Variants in NOL4 observed in about 807,000 individuals in gnomAD.
NOL4 encodes the protein cancer/testis antigen 125.
In NOL4, 17 loss-of-function variants were observed where a neutral mutation model predicts 75.9. That is an observed-to-expected ratio of 0.22 (90% CI 0.15 to 0.34). The LOEUF is 0.34. NOL4 is among the 10% of genes least tolerant of loss of function. NOL4 has a pLI of 1.00. For synonymous variants in NOL4, 292 were observed against 289.9 expected (o/e 1.01, Z -0.07); for missense variants, 614 against 793.5 (o/e 0.77, Z 2.72).
chr18:34,103,793 A>G (rs2079146335), intron 4 of NOL4, among the ~76,000 whole-genome samples: 1 of 152,012 alleles, frequency 6.6e-6, no homozygotes, highest in African/African-American at 2.4e-5. Flanking sequence ...GTGATGGTCT[A>G]CTAAGGAAAA....
intron 1 of NOL4, among the ~76,000 whole-genome samples, chr18:34,161,194 C>G (rs28878222): frequency 2.0e-5 from 3 of 152,018 alleles, no homozygotes; most frequent in African/African-American, 7.2e-5. Flanking sequence ...GTATATATAC[C>G]ATATTTTCTT....
At chr18:33,960,026 T>G (rs1433894112) in intron 6 of NOL4, among the ~76,000 whole-genome samples, 10 of 152,048 alleles carry the variant, frequency 6.6e-5, no homozygotes, top group Non-Finnish European at 1.5e-4. Flanking sequence ...ATGTTAATCT[T>G]TAAACAAAAT....
intron 6 of NOL4, among the ~76,000 whole-genome samples, chr18:34,016,527 C>T (rs979330627): frequency 6.6e-6 from 1 of 152,020 alleles, no homozygotes; most frequent in African/African-American, 2.4e-5. Context: ...TGCTAAGCTC[C>T]TTGCAAATAC....
At position 34,104,169 on chromosome 18, in the gene NOL4, A is replaced by G; in HGVS notation, c.527-10T>C. On this transcript the variant is annotated splice_polypyrimidine_tract_variant and intron_variant, in intron 3 of 10. Transcript: ENST00000261592. ...GGAGGTTTTCCATTATCTGTAATAA[A>G]ACATTTTTAATGGGTAATGAAAGTA... 3 of 1,521,716 alleles carry G rather than the reference A, an allele frequency of 2.0e-6. No homozygotes were observed. The highest frequency in any genetic ancestry group is 2.7e-6 in the Non-Finnish European group (3 of 1,097,028). The allele number at this position is 1,521,716 out of a possible 1,614,324, so 94.3% of individuals were successfully genotyped here. A position where few individuals can be genotyped will look rare whatever the true frequency, so the allele number is the denominator to read the frequency against.
At chr18:34,203,717 T>TCTCTCTCTCTCTCACA (rs1261546835) in intron 1 of NOL4, among the ~76,000 whole-genome samples, 6 of 72,302 alleles carry the variant, frequency 8.3e-5, no homozygotes, top group African/African-American at 3.0e-4. Context: ...TCTCTCTCTC[T>TCTCTCTCTCTCTCACA]CACACACACA....
intron 9 of NOL4, among the ~76,000 whole-genome samples, chr18:33,890,011 A>G (rs2065003878): frequency 6.6e-6 from 1 of 152,182 alleles, no homozygotes; most frequent in Non-Finnish European, 1.5e-5. Context: ...ACTCCTATTC[A>G]ACATAGTTTT....
chr18:33,884,960 A>T (rs2064548425), intron 9 of NOL4, among the ~76,000 whole-genome samples: 1 of 152,132 alleles, frequency 6.6e-6, no homozygotes, highest in Non-Finnish European at 1.5e-5. Flanking sequence ...AACTCTGACC[A>T]TTATACTCAG....
intron 5 of NOL4, among the ~76,000 whole-genome samples, chr18:34,035,032 C>T (rs1212424622): frequency 2.0e-5 from 3 of 151,892 alleles, no homozygotes; most frequent in African/African-American, 7.3e-5. Context: ...ACTTCAACAC[C>T]CTACTCTAAG....
intron 6 of NOL4, among the ~76,000 whole-genome samples, chr18:34,002,623 G>A (rs978237579): frequency 6.6e-6 from 1 of 151,924 alleles, no homozygotes; most frequent in Non-Finnish European, 1.5e-5. Flanking sequence ...GGTATTTCTA[G>A]GTAGCAACAC....
rs1170958461 is a variant in NOL4 at position 34,110,040 on chromosome 18, C to T, written c.415-4880G>A. Among the ~76,000 whole-genome samples, 4 of 147,656 alleles carry T rather than the reference C, an allele frequency of 2.7e-5. No individual in the cohort carries two copies. The Admixed American group carries it at 2.8e-4, about 10-fold the overall frequency. ...CTCCCAATAAAGAAAGTCCCAGGACCTGACGGCTTCACTGGTAAATTCTAC... is the reference window on the plus strand; with the variant it reads ...CTCCCAATAAAGAAAGTCCCAGGACTTGACGGCTTCACTGGTAAATTCTAC... On this transcript the variant is annotated intron_variant, in intron 2 of 10. Transcript: ENST00000261592.
chr18:33,998,916 T>C (rs1204225997), intron 6 of NOL4, among the ~76,000 whole-genome samples: 1 of 152,082 alleles, frequency 6.6e-6, no homozygotes, highest in Non-Finnish European at 1.5e-5. Flanking sequence ...ACCATATACT[T>C]ATAGTTGCTG....
intron 5 of NOL4, among the ~76,000 whole-genome samples, chr18:34,040,882 T>C (rs1263115867): frequency 1.3e-5 from 2 of 152,018 alleles, no homozygotes; most frequent in African/African-American, 4.8e-5. Flanking sequence ...TCACGTCCTT[T>C]AATTGTAAAA....
At chr18:34,123,523 T>C (rs949981654) in intron 2 of NOL4, among the ~76,000 whole-genome samples, 2 of 125,878 alleles carry the variant, frequency 1.6e-5, no homozygotes, top group African/African-American at 6.4e-5. Context: ...TCATTATATA[T>C]GTGATAACCA....
At chr18:33,872,837 A>G (rs776689242) in intron 10 of NOL4, among the ~76,000 whole-genome samples, 2 of 152,082 alleles carry the variant, frequency 1.3e-5, no homozygotes, top group South Asian at 2.1e-4. Flanking sequence ...AAACTATCAA[A>G]ATATGGATAC....
At chr18:33,868,666 C>CAA (rs2063548425) in intron 10 of NOL4, among the ~76,000 whole-genome samples, 1 of 151,046 alleles carries the variant, frequency 6.6e-6, no homozygotes, top group Non-Finnish European at 1.5e-5. Context: ...CACACACACA[C>CAA]ACACACACAC....
intron 9 of NOL4, among the ~76,000 whole-genome samples, chr18:33,905,026 C>T (rs2065952406): frequency 1.3e-5 from 2 of 152,142 alleles, no homozygotes; most frequent in Admixed American, 1.3e-4. Context: ...TAAGGCATTG[C>T]CAGTTGCCCT....
chr18:34,158,330 C>A (rs568941291), intron 1 of NOL4, among the ~76,000 whole-genome samples: 1 of 152,226 alleles, frequency 6.6e-6, no homozygotes, highest in Admixed American at 6.5e-5. Context: ...AGTGCATTTA[C>A]GTCGGTAGTC....
intron 1 of NOL4, among the ~76,000 whole-genome samples, chr18:34,153,260 C>T (rs1483523377): frequency 1.3e-5 from 2 of 151,666 alleles, no homozygotes; most frequent in Non-Finnish European, 2.9e-5. Flanking sequence ...AAAATAATAA[C>T]AAATCTCTAG....
chr18:34,157,543 G>C (rs993751511), intron 1 of NOL4, among the ~76,000 whole-genome samples: 18 of 151,296 alleles, frequency 1.2e-4, no homozygotes, highest in African/African-American at 4.4e-4. Flanking sequence ...AGATAACACA[G>C]ATTTAGAAGA....
Sources: gnomAD v4.1 joint callset for allele counts (sites outside exome capture counted in the v4.1 genomes callset) on GRCh38, gnomAD v4.1.1 for gene constraint, MANE v1.5 for transcripts, NCBI Gene and HGNC (gene_info 2026-07-23, HGNC 2026-07-21) for gene names.